The following DIAPH2 variants were observed in gnomAD, a reference collection of about 807,000 sequenced individuals.
DIAPH2 encodes protein diaphanous homolog 2.
In DIAPH2, 35 loss-of-function variants were observed where a neutral mutation model predicts 92.7. That is an observed-to-expected ratio of 0.38 (90% CI 0.29 to 0.50). The LOEUF (loss-of-function observed/expected upper bound fraction) is 0.50. Ranked by LOEUF, DIAPH2 falls within the 20% of genes least tolerant of loss-of-function variation. The pLI is 0.94. For synonymous variants in DIAPH2, 301 were observed against 280.4 expected, an observed-to-expected ratio of 1.07 and a Z score of -0.73; for missense variants, 701 against 819.5, an observed-to-expected ratio of 0.86 and a Z score of 1.77.
chrX:97,028,334 A>AC (rs2066349172), intron 17 of DIAPH2, among the ~76,000 whole-genome samples: 1 of 110,579 alleles, frequency 9.0e-6, no homozygotes, highest in African/African-American at 3.3e-5. Context: ...CTACCTTCTA[A>AC]CCTTTTCTCT....
intron 26 of DIAPH2, among the ~76,000 whole-genome samples, chrX:97,505,175 CTCT>C (rs2070823925): frequency 8.9e-6 from 1 of 112,182 alleles, no homozygotes; most frequent in Non-Finnish European, 1.9e-5. Context: ...CAGAGCAGGC[CTCT>C]TCTTCTGTGA....
intron 21 of DIAPH2, among the ~76,000 whole-genome samples, chrX:97,123,713 G>A (rs1233926896): frequency 1.8e-5 from 2 of 112,135 alleles, no homozygotes; most frequent in East Asian, 5.6e-4. Flanking sequence ...CCAAACACAG[G>A]CCACTTCTTT....
At chrX:97,071,909 A>G (rs2066671930) in intron 17 of DIAPH2, among the ~76,000 whole-genome samples, 1 of 112,047 alleles carries the variant, frequency 8.9e-6, no homozygotes, top group Non-Finnish European at 1.9e-5. Flanking sequence ...CAGCATGATT[A>G]TGGTCATATA....
intron 1 of DIAPH2, among the ~76,000 whole-genome samples, chrX:96,704,136 T>C (rs2063870393): frequency 9.0e-6 from 1 of 111,676 alleles, no homozygotes; most frequent in African/African-American, 3.3e-5. Context: ...AGGACATTAT[T>C]TCACAAGGTA....
chrX:97,127,821 A>G (rs1180933267), intron 21 of DIAPH2, among the ~76,000 whole-genome samples: 1 of 112,242 alleles, frequency 8.9e-6, no homozygotes. Flanking sequence ...GGCCTAGGCA[A>G]CATGGCGAAA....
intron 3 of DIAPH2, among the ~76,000 whole-genome samples, chrX:96,755,248 G>A (rs1175544235): frequency 1.8e-5 from 2 of 112,037 alleles, no homozygotes; most frequent in African/African-American, 6.5e-5. Context: ...AGGAGTTGCT[G>A]CAGTGGTTGC....
At chrX:97,088,981 G>A (rs1399792604) in intron 19 of DIAPH2, among the ~76,000 whole-genome samples, 1 of 110,422 alleles carries the variant, frequency 9.1e-6, no homozygotes, top group Non-Finnish European at 1.9e-5. Context: ...CAGTGTGTTC[G>A]GTACACTAGA....
chrX:96,895,273 G>C (rs1260575814), intron 5 of DIAPH2, among the ~76,000 whole-genome samples: 2 of 111,444 alleles, frequency 1.8e-5, no homozygotes, highest in African/African-American at 6.5e-5. Flanking sequence ...CCAAAATACG[G>C]GGACTACAAG....
chrX:97,240,345 G>A (rs778730924), intron 22 of DIAPH2, among the ~76,000 whole-genome samples: 1 of 111,252 alleles, frequency 9.0e-6, no homozygotes, highest in Non-Finnish European at 1.9e-5. Context: ...TGTGGCTCGC[G>A]CCTGTAATCC....
At chrX:97,091,481 GC>G (rs750362918) in intron 19 of DIAPH2, among the ~76,000 whole-genome samples, 87 of 110,547 alleles carry the variant, frequency 7.9e-4, no homozygotes, top group African/African-American at 2.6e-3. Context: ...TTGCTGTGTT[GC>G]CCAGGCTTGT....
At chrX:97,152,202 A>T (rs888535141) in intron 22 of DIAPH2, among the ~76,000 whole-genome samples, 1 of 111,543 alleles carries the variant, frequency 9.0e-6, no homozygotes, top group Non-Finnish European at 1.9e-5. Flanking sequence ...CCTGAGCAAC[A>T]CCCCACATTT....
intron 20 of DIAPH2, among the ~76,000 whole-genome samples, chrX:97,112,761 CTTTCT>C (rs1256347479): frequency 4.3e-4 from 29 of 67,410 alleles, no homozygotes; most frequent in Middle Eastern, 8.5e-3. Context: ...CTTTCCCTTT[CTTTCT>C]TTTTTTTTTT....
intron 16 of DIAPH2, among the ~76,000 whole-genome samples, chrX:96,962,445 A>G (rs1266921060): frequency 5.6e-5 from 4 of 71,103 alleles, no homozygotes; most frequent in Non-Finnish European, 7.3e-5. Context: ...ATATATACAT[A>G]TATACACACA....
chrX:96,808,350 A>C (rs2064646274), intron 4 of DIAPH2, among the ~76,000 whole-genome samples: 1 of 111,768 alleles, frequency 8.9e-6, no homozygotes, highest in African/African-American at 3.2e-5. Context: ...TATCACTCTA[A>C]AAATTAATCA....
At chrX:97,455,854 C>T (rs745429382) in intron 26 of DIAPH2, among the ~76,000 whole-genome samples, 192 of 112,002 alleles carry the variant, frequency 1.7e-3, no homozygotes, top group Non-Finnish European at 3.3e-3. Context: ...CTCTGCTATT[C>T]TTCCAGATTT....
chrX:96,928,023 A>G (rs904547134), intron 9 of DIAPH2, among the ~76,000 whole-genome samples: 1 of 111,495 alleles, frequency 9.0e-6, no homozygotes, highest in African/African-American at 3.3e-5. Flanking sequence ...GTTAAATTTT[A>G]TCATCTTACC....
chrX:97,017,600 C>G (rs1289287100), intron 17 of DIAPH2, among the ~76,000 whole-genome samples: 1 of 111,874 alleles, frequency 8.9e-6, no homozygotes. Flanking sequence ...TAACTAAATT[C>G]AAGATAACAC....
In DIAPH2 at chrX:96,735,401, A is replaced by T. The variant is rs754804410; in HGVS notation, c.133-357A>T. On this transcript the variant is annotated intron_variant, in intron 1 of 26. Coordinates refer to ENST00000324765, the MANE Select transcript of DIAPH2 (RefSeq NM_006729.5). ...GTGGTGTTGTTTTTTAAATTTAGGT[A>T]TCTTAGCTTGAGGATTCATTTCCAA... Among the ~76,000 whole-genome samples the T allele has an allele frequency of 9.9e-5, 11 of 111,230 alleles. No individual in the cohort carries two copies. In the East Asian group the frequency reaches 2.5e-3, roughly 26 times the overall value.
Position 97,470,699 on chromosome X carries a change from A to T in DIAPH2, c.3241+40954A>T, listed in dbSNP as rs187306810. Among the ~76,000 whole-genome samples, 58 of 110,263 alleles carry T rather than the reference A, an allele frequency of 5.3e-4. No homozygotes were observed. The Admixed American group carries it at 5.6e-3, about 11-fold the overall frequency. ...GATTTCAATACTGTGTTAAGAAAAA[A>T]AAAAAAAACAACCACGCAAGAGACT... On this transcript the variant is annotated intron_variant, in intron 26 of 26. Coordinates refer to ENST00000324765, the MANE Select transcript of DIAPH2 (RefSeq NM_006729.5).
Sources: allele counts gnomAD v4.1 joint callset (sites outside exome capture counted in the v4.1 genomes callset), GRCh38; gene constraint gnomAD v4.1.1; transcripts MANE v1.5; gene names NCBI Gene and HGNC (gene_info 2026-07-23, HGNC 2026-07-21).